Variants in TYW1B observed in about 807,000 individuals in gnomAD.
TYW1B encodes S-adenosyl-L-methionine-dependent tRNA 4-demethylwyosine synthase TYW1B.
In TYW1B, 73 loss-of-function variants were observed where a neutral mutation model predicts 86.9. That is an observed-to-expected ratio of 0.84 (90% CI 0.70 to 1.02). TYW1B has a LOEUF of 1.02. TYW1B is among the 50% of genes least tolerant of loss of function. The probability of loss-of-function intolerance (pLI) is 0.00; values close to 1 mark genes in which losing one functional copy is unlikely to be tolerated. For missense variants in TYW1B, 637 were observed against 827.4 expected (o/e 0.77, Z 2.82); for synonymous variants, 248 against 292.8 (o/e 0.85, Z 1.56).
In TYW1B at chr7:72,802,653, C is replaced by T. The variant is rs1380650038; in HGVS notation, c.724-131G>A. Reference sequence around the variant, plus strand: ...TTTTTTTCTTTGAGACAGGGTCTCGCTCTGTCGCCCAGGCTGGAGCGCAGT... The same window carrying T: ...TTTTTTTCTTTGAGACAGGGTCTCGTTCTGTCGCCCAGGCTGGAGCGCAGT... On this transcript the variant is annotated intron_variant, in intron 5 of 13. Transcript: ENST00000620995. The T allele has an allele frequency of 2.0e-5, 28 of 1,400,402 alleles. No individual in the cohort carries two copies. The African/African-American group carries it at 3.1e-4, about 15-fold the overall frequency. The allele number at this position is 1,400,402 out of a possible 1,614,324, so 86.7% of individuals were successfully genotyped here.
intron 11 of TYW1B, among the ~76,000 whole-genome samples, chr7:72,632,443 TATATAA>T (rs1812554357): frequency 1.1e-5 from 1 of 93,296 alleles, no homozygotes; most frequent in South Asian, 2.6e-4. Flanking sequence ...TATACGTATA[TATATAA>T]AATATATATA....
chr7:72,783,209 G>C (rs1281284160), intron 6 of TYW1B, among the ~76,000 whole-genome samples: 2 of 151,956 alleles, frequency 1.3e-5, no homozygotes, highest in African/African-American at 2.4e-5. Context: ...GAACAGCCTG[G>C]CCAACATGAT....
At position 72,671,387 on chromosome 7, in the gene TYW1B, T is replaced by G. The variant is rs374348627; in HGVS notation, c.1506+23300A>C. ...CTTATTTTAACTGGCTCCTGACTGATGGATAGTTTGCTTCTAATCTTCTGC... is the reference window on the plus strand; with the variant it reads ...CTTATTTTAACTGGCTCCTGACTGAGGGATAGTTTGCTTCTAATCTTCTGC... On this transcript the variant is annotated intron_variant, in intron 11 of 13. Transcript: ENST00000620995. Among the ~76,000 whole-genome samples the G allele has an allele frequency of 6.6e-5, 10 of 152,316 alleles. No homozygotes were observed. In the East Asian group the frequency reaches 1.9e-3, roughly 29 times the overall value.
intron 8 of TYW1B, among the ~76,000 whole-genome samples, chr7:72,738,659 AATAG>A (rs1554461475): frequency 6.6e-6 from 1 of 152,190 alleles, no homozygotes; most frequent in Non-Finnish European, 1.5e-5. Context: ...TGGGACAAGA[AATAG>A]CAATTTTGCC....
At chr7:72,621,432 G>A (rs1216427511) in intron 12 of TYW1B, among the ~76,000 whole-genome samples, 5 of 152,132 alleles carry the variant, frequency 3.3e-5, no homozygotes, top group Non-Finnish European at 7.4e-5. Flanking sequence ...CGTAGCTTGC[G>A]CTAACAATGG....
At chr7:72,688,963 A>C (rs1814074519) in intron 11 of TYW1B, among the ~76,000 whole-genome samples, 1 of 152,222 alleles carries the variant, frequency 6.6e-6, no homozygotes, top group Admixed American at 6.5e-5. Context: ...AAGTGGCTGA[A>C]AGCAGGATAA....
At chr7:72,827,596 A>C (rs1788959386) in intron 1 of TYW1B, among the ~76,000 whole-genome samples, 1 of 151,678 alleles carries the variant, frequency 6.6e-6, no homozygotes, top group Admixed American at 6.6e-5. Flanking sequence ...AATTAAGTTA[A>C]TTGTTTTGTT....
At chr7:72,713,391 T>C (rs1448098743) in intron 10 of TYW1B, among the ~76,000 whole-genome samples, 2 of 151,742 alleles carry the variant, frequency 1.3e-5, no homozygotes, top group Non-Finnish European at 2.9e-5. Context: ...AAATTCATTC[T>C]CTTTTCAATT....
chr7:72,685,900 T>C (rs1554449316), intron 11 of TYW1B, among the ~76,000 whole-genome samples: 2 of 152,110 alleles, frequency 1.3e-5, no homozygotes, highest in Admixed American at 6.6e-5. Context: ...ACGTATCTCA[T>C]AAAGGACTCC....
rs1337733513 is a variant in TYW1B at position 72,794,778 on chromosome 7, C to T, written c.846+7622G>A. ...ATGACTAGGAGAGTGAGCACAAAGA[C>T]CTCTATGACAGCAGTGATCAAGTAA... On this transcript the variant is annotated intron_variant, in intron 6 of 13. Coordinates refer to ENST00000620995, the MANE Select transcript of TYW1B (RefSeq NM_001145440.3). Among the ~76,000 whole-genome samples, 3 of 151,720 alleles carry T rather than the reference C, an allele frequency of 2.0e-5. No individual in the cohort carries two copies. In the East Asian group the frequency reaches 5.8e-4, roughly 29 times the overall value.
At chr7:72,770,990 C>G (rs146778227) in intron 7 of TYW1B, among the ~76,000 whole-genome samples, 1,691 of 129,368 alleles carry the variant, frequency 0.013, 52 homozygotes, top group African/African-American at 0.048. Context: ...GAGATGGAGT[C>G]TCACTCTTAT....
intron 11 of TYW1B, among the ~76,000 whole-genome samples, chr7:72,666,759 C>T (rs187492179): frequency 2.0e-5 from 3 of 152,018 alleles, no homozygotes; most frequent in East Asian, 1.9e-4. Context: ...CAGTCGGGCG[C>T]GGTGGCTCAC....
At chr7:72,827,952 G>C in intron 1 of TYW1B, 120 bp downstream of exon 1, 15 of 1,551,972 alleles carry the variant, frequency 9.7e-6, no homozygotes, top group Non-Finnish European at 1.3e-5. Flanking sequence ...AGCCGGTGCT[G>C]TCAAGTGCAA....
intron 9 of TYW1B, among the ~76,000 whole-genome samples, chr7:72,718,766 C>T (rs1554456732): frequency 6.6e-6 from 1 of 152,098 alleles, no homozygotes; most frequent in Admixed American, 6.6e-5. Flanking sequence ...TTTCAAAAAG[C>T]ATATCATTAA....
At chr7:72,742,689 A>G (rs1466925256) in intron 8 of TYW1B, among the ~76,000 whole-genome samples, 2 of 152,174 alleles carry the variant, frequency 1.3e-5, no homozygotes, top group East Asian at 1.9e-4. Flanking sequence ...TATTTGTAAC[A>G]TTGTCTACTT....
chr7:72,577,927 T>C (rs575717278), intron 13 of TYW1B, among the ~76,000 whole-genome samples: 38 of 152,172 alleles, frequency 2.5e-4, no homozygotes, highest in Non-Finnish European at 4.6e-4. Flanking sequence ...GTTCCCATGT[T>C]AGACAGTTTC....
At chr7:72,583,839 G>C (rs1554430012) in intron 13 of TYW1B, among the ~76,000 whole-genome samples, 1 of 152,160 alleles carries the variant, frequency 6.6e-6, no homozygotes, top group African/African-American at 2.4e-5. Context: ...TTTAGAATGA[G>C]AGCAAAAGTC....
chr7:72,586,889 A>T (rs1811290752), intron 13 of TYW1B, among the ~76,000 whole-genome samples: 1 of 152,148 alleles, frequency 6.6e-6, no homozygotes, highest in South Asian at 2.1e-4. Context: ...TTGTTTGGGT[A>T]AAATTCATCT....
chr7:72,627,502 TAACATAACATAAATA>T (rs1253917957), intron 12 of TYW1B, among the ~76,000 whole-genome samples: 27 of 148,872 alleles, frequency 1.8e-4, no homozygotes, highest in African/African-American at 6.3e-4. Context: ...TAACATAACA[TAACATAACATAAATA>T]AAATAAAATA....
Sources: allele counts gnomAD v4.1 joint callset (sites outside exome capture counted in the v4.1 genomes callset), GRCh38; gene constraint gnomAD v4.1.1; transcripts MANE v1.5; gene names NCBI Gene and HGNC (gene_info 2026-07-23, HGNC 2026-07-21).